The following SLC2A13 variants were observed in gnomAD, a reference collection of about 807,000 sequenced individuals.
SLC2A13 encodes proton myo-inositol cotransporter.
Under a neutral mutation model 64.4 loss-of-function variants are expected in SLC2A13, and 32 were observed. The observed-to-expected ratio is 0.50, with a 90% CI of 0.37 to 0.67. SLC2A13 has a LOEUF of 0.67. SLC2A13 is among the 30% of genes least tolerant of loss of function. The pLI is 0.00. For synonymous variants in SLC2A13, 338 were observed against 327.1 expected, an observed-to-expected ratio of 1.03 and a Z score of -0.36; for missense variants, 743 against 829.2, an observed-to-expected ratio of 0.90 and a Z score of 1.28.
At chr12:40,003,941 C>T (rs28370824) in intron 3 of SLC2A13, among the ~76,000 whole-genome samples, 6 of 151,162 alleles carry the variant, frequency 4.0e-5, no homozygotes, top group African/African-American at 7.3e-5. Context: ...TGCAGTGAGC[C>T]GAGAGTGCGC....
At chr12:39,964,597 A>G (rs538054916) in intron 3 of SLC2A13, among the ~76,000 whole-genome samples, 1 of 152,340 alleles carries the variant, frequency 6.6e-6, no homozygotes, top group African/African-American at 2.4e-5. Flanking sequence ...AACTATCTTT[A>G]CCATGTCGGG....
intron 7 of SLC2A13, among the ~76,000 whole-genome samples, chr12:39,792,835 C>T (rs762324452): frequency 6.6e-5 from 10 of 150,710 alleles, no homozygotes; most frequent in South Asian, 2.1e-4. Context: ...AAGTGGACCA[C>T]GCAGTTCAAA....
chr12:39,996,810 T>C (rs1355778304), intron 3 of SLC2A13, among the ~76,000 whole-genome samples: 1 of 152,158 alleles, frequency 6.6e-6, no homozygotes, highest in South Asian at 2.1e-4. Flanking sequence ...TTAAAATACT[T>C]AGGAATATAC....
intron 1 of SLC2A13, among the ~76,000 whole-genome samples, chr12:40,102,431 A>C (rs1939181008): frequency 6.7e-6 from 1 of 148,914 alleles, no homozygotes; most frequent in African/African-American, 2.5e-5. Flanking sequence ...TGGAATTTGG[A>C]TTTTTTTTTT....
chr12:39,792,928 T>G (rs1398066661), intron 7 of SLC2A13, among the ~76,000 whole-genome samples: 1 of 152,198 alleles, frequency 6.6e-6, no homozygotes, highest in South Asian at 2.1e-4. Context: ...GGTATCTTTT[T>G]GTGAACCAAA....
intron 1 of SLC2A13, among the ~76,000 whole-genome samples, chr12:40,058,963 AT>A (rs1948376124): frequency 6.6e-6 from 1 of 152,172 alleles, no homozygotes; most frequent in South Asian, 2.1e-4. Context: ...GCTAATAAAC[AT>A]CTTTTCACTC....
chr12:39,973,272 T>C (rs1946699152), intron 3 of SLC2A13, among the ~76,000 whole-genome samples: 1 of 152,214 alleles, frequency 6.6e-6, no homozygotes, highest in Admixed American at 6.5e-5. Flanking sequence ...TTGGAAACAG[T>C]GGCTTTCTCC....
chr12:39,859,333 G>GAAA (rs34726316), intron 6 of SLC2A13, among the ~76,000 whole-genome samples: 1 of 62,012 alleles, frequency 1.6e-5, no homozygotes. Flanking sequence ...TTTTTTTTCT[G>GAAA]AAAAAAAAAA....
At chr12:40,041,580 G>A (rs1948091453) in intron 2 of SLC2A13, among the ~76,000 whole-genome samples, 3 of 152,196 alleles carry the variant, frequency 2.0e-5, no homozygotes, top group Admixed American at 2.0e-4. Flanking sequence ...CAGGACAGGA[G>A]GAGCACTTCT....
At chr12:39,997,104 C>A (rs1947244111) in intron 3 of SLC2A13, among the ~76,000 whole-genome samples, 2 of 152,112 alleles carry the variant, frequency 1.3e-5, no homozygotes. Flanking sequence ...AAGAATAAAT[C>A]TGGAGGCATC....
intron 3 of SLC2A13, among the ~76,000 whole-genome samples, chr12:39,983,025 A>C (rs1018733188): frequency 5.4e-5 from 8 of 148,234 alleles, no homozygotes; most frequent in Admixed American, 2.0e-4. Context: ...ATAACGCCGC[A>C]TACCTACAAC....
chr12:39,957,022 G>A (rs190123046), intron 3 of SLC2A13, among the ~76,000 whole-genome samples: 106 of 152,172 alleles, frequency 7.0e-4, no homozygotes, highest in Middle Eastern at 3.4e-3. Context: ...CCAACACCAC[G>A]ATCCTTTCCT....
chr12:39,948,458 G>A lies in SLC2A13; in HGVS notation c.1034+2799C>T, dbSNP rs191182962. On this transcript the variant is annotated intron_variant, in intron 4 of 9. Coordinates refer to ENST00000280871, the MANE Select transcript of SLC2A13 (RefSeq NM_052885.4). ...TGTGACAGAATAGTAAATAGGTCAA[G>A]GGAATAGGAATAAAGGATTCTTTGA... Among the ~76,000 whole-genome samples the A allele has an allele frequency of 2.6e-5, 4 of 152,102 alleles. No homozygotes were observed. In the East Asian group the frequency reaches 7.7e-4, roughly 29 times the overall value.
chr12:40,105,577 G>A lies in SLC2A13; in HGVS notation c.232C>T (p.Pro78Ser), dbSNP rs1282188585. ...ACGGCCACCACGTACACGAAGGCGG[G>A]GGTCTCGTCCTGCTGGAACTGCCGC... ...ARRQFQQDET[P>S]AFVYVVAVFS... Residue 78 changes from proline (P) to serine (S), a missense_variant, in exon 1 of 10, where the codon CCC (proline) becomes TCC (serine). Pro to Ser is a moderately conservative substitution (Grantham distance 74, BLOSUM62 -1). Around this residue, in one of 2 missense-constraint regions of SLC2A13, gnomAD observed 448 missense variants for 447.4 expected, o/e 1.00. Transcript: ENST00000280871. This position sits in a 1 kb window ranked among gnomAD's most constrained non-coding sequence, Gnocchi z 4.2. 6.4e-7 allele frequency: 1 copy of A among 1,566,054 alleles called. No homozygotes were observed. Among genetic ancestry groups the A allele is most frequent in the Non-Finnish European group, 8.6e-7 (1 of 1,158,880 alleles).
chr12:39,944,331 GA>G (rs1352039964), intron 4 of SLC2A13, among the ~76,000 whole-genome samples: 3 of 152,236 alleles, frequency 2.0e-5, no homozygotes, highest in Admixed American at 6.5e-5. Flanking sequence ...CTTGTTGGAT[GA>G]AATGTTCTAT....
intron 1 of SLC2A13, among the ~76,000 whole-genome samples, chr12:40,061,052 G>A (rs933270079): frequency 3.3e-5 from 5 of 152,036 alleles, no homozygotes; most frequent in Admixed American, 6.6e-5. Context: ...AAATATGTAT[G>A]AGTAAAATTT....
intron 6 of SLC2A13, among the ~76,000 whole-genome samples, chr12:39,845,499 T>C (rs1943284780): frequency 6.6e-6 from 1 of 152,122 alleles, no homozygotes; most frequent in Non-Finnish European, 1.5e-5. Flanking sequence ...TCTCAGTTCT[T>C]GCATAGTTGG....
chr12:39,901,226 A>C (rs2136016573), intron 4 of SLC2A13, among the ~76,000 whole-genome samples: 1 of 152,352 alleles, frequency 6.6e-6, no homozygotes, highest in Admixed American at 6.5e-5. Context: ...TAGACCTGAA[A>C]CCATAAAAAC....
intron 7 of SLC2A13, among the ~76,000 whole-genome samples, chr12:39,765,246 T>G (rs1191015080): frequency 1.3e-5 from 2 of 151,978 alleles, no homozygotes; most frequent in African/African-American, 4.8e-5. Context: ...TCTGATAAAA[T>G]GGGGATAATA....
Sources: gnomAD v4.1 joint callset for allele counts (sites outside exome capture counted in the v4.1 genomes callset) on GRCh38, gnomAD v4.1.1 for gene constraint, gnomAD v4.1.1 regional missense constraint, Gnocchi (gnomAD v3.1) non-coding constraint, MANE v1.5 for transcripts, NCBI Gene and HGNC (gene_info 2026-07-23, HGNC 2026-07-21) for gene names.